KLHDC3: variants seen among roughly 807,000 people sequenced by gnomAD.
KLHDC3 encodes the protein kelch domain containing 3, also known as kelch domain-containing protein 3.
In KLHDC3, 5 loss-of-function variants were observed where a neutral mutation model predicts 44.1. The ratio of observed to expected loss-of-function variants is 0.11; its 90% confidence interval spans 0.06 to 0.24. KLHDC3 has a LOEUF of 0.24. Among genes scored for constraint, KLHDC3 ranks in the 10% least tolerant of loss-of-function variants. The pLI is 1.00. For missense variants in KLHDC3, 247 were observed against 514.3 expected (o/e 0.48, Z 5.03); for synonymous variants, 170 against 189.0 (o/e 0.90, Z 0.82).
Position 43,018,568 on chromosome 6 carries a change from T to C in KLHDC3, c.733+12T>C, listed in dbSNP as rs1487476282. 9 of 1,613,640 alleles carry C rather than the reference T, an allele frequency of 5.6e-6. No homozygotes were observed. The highest frequency in any genetic ancestry group is 7.6e-6 in the Non-Finnish European group (9 of 1,179,728). ...GAGCCACTCGGCCTGTGAGTGTTTG[T>C]TACTTCCCTGTGGAGTTCCCTTCCT... On this transcript the variant is annotated intron_variant, in intron 6 of 10. Transcript: ENST00000326974. This position sits in a 1 kb window ranked among gnomAD's most constrained non-coding sequence, Gnocchi z 6.0.
chr6:43,015,481 G>A (rs147372754), intron 1 of KLHDC3, among the ~76,000 whole-genome samples: 1 of 152,272 alleles, frequency 6.6e-6, no homozygotes, highest in East Asian at 1.9e-4. Context: ...AGCATTGTCA[G>A]TTGCAAGGAT....
In KLHDC3 at chr6:43,018,496, G is replaced by A; in HGVS notation, c.673G>A (p.Ala225Thr). Residue 225 changes from alanine to threonine, a missense_variant, in exon 6 of 11, where the codon GCT (alanine) becomes ACT (threonine). Ala to Thr is a moderately conservative substitution (Grantham distance 58, BLOSUM62 0). Transcript: ENST00000326974. This position sits in a 1 kb window ranked among gnomAD's most constrained non-coding sequence, Gnocchi z 6.0. ...TCGAGTCTTTGACACCAGAACTGAGGCTTGGCTGGACTGTCCCCCGACTCC... is the reference window on the plus strand; with the variant it reads ...TCGAGTCTTTGACACCAGAACTGAGACTTGGCTGGACTGTCCCCCGACTCC... ...RIRVFDTRTE[A>T]WLDCPPTPVL... 6.2e-6 allele frequency: 10 copies of A among 1,614,142 alleles called. No homozygotes were observed. Among genetic ancestry groups the A allele is most frequent in the Non-Finnish European group, 8.5e-6 (10 of 1,180,038 alleles).
In KLHDC3 at chr6:43,017,369, C is replaced by A; in HGVS notation, c.154+23C>A. On this transcript the variant is annotated intron_variant, in intron 2 of 10. Coordinates refer to ENST00000326974, the MANE Select transcript of KLHDC3 (RefSeq NM_057161.4). This position sits in a 1 kb window ranked among gnomAD's most constrained non-coding sequence, Gnocchi z 6.0. ...CAGGTAAGCCAATGCTGGGGCTGTC[C>A]CTGGGTCCCCACATCAGGGTGGGAA... 6.2e-7 allele frequency: 1 copy of A among 1,601,708 alleles called. No individual in the cohort carries two copies. The highest frequency in any genetic ancestry group is 8.5e-7 in the Non-Finnish European group (1 of 1,171,720).
In KLHDC3 at chr6:43,020,733, G is replaced by A; in HGVS notation, c.1149G>A (p.Ter383=). Residue 383 remains the stop codon, a stop_retained_variant, in exon 11 of 11, where the codon TAG becomes TAA. Transcript: ENST00000326974. The part of the protein sequence containing the change: ...ISRPIVSSHG[*] ...GCCCCATCGTCTCCTCCCATGGGTA[G>A]GAGGAAGTTTCTGCCACCTCCCCTC... The A allele has an allele frequency of 5.0e-6, 8 of 1,613,498 alleles. No individual in the cohort carries two copies. Among genetic ancestry groups the A allele is most frequent in the Non-Finnish European group, 6.8e-6 (8 of 1,179,470 alleles).
chr6:43,018,023 G>A lies in KLHDC3; in HGVS notation c.447+55G>A. 1 of 1,494,832 alleles carries A rather than the reference G, an allele frequency of 6.7e-7. No individual in the cohort carries two copies. The highest frequency in any genetic ancestry group is 1.1e-5 in the South Asian group (1 of 88,724). 92.6% of individuals were successfully genotyped at this position (1,494,832 alleles called of 1,614,324 possible). On this transcript the variant is annotated intron_variant, in intron 4 of 10. Coordinates refer to ENST00000326974, the MANE Select transcript of KLHDC3 (RefSeq NM_057161.4). The surrounding 1 kb of genome is among the most constrained non-coding windows in gnomAD (Gnocchi z 6.0). ...GGGTGGGACTGAGAAAGAGGGGAAG[G>A]GCAATTTAGGATGGTGAAATGGGAG...
At position 43,020,829 on chromosome 6, in the gene KLHDC3, G is replaced by T; in HGVS notation, c.*96G>T. 1 of 942,226 alleles carries T rather than the reference G, an allele frequency of 1.1e-6. No homozygotes were observed. Among genetic ancestry groups the T allele is most frequent in the South Asian group, 1.3e-5 (1 of 76,124 alleles). The allele number at this position is 942,226 out of a possible 1,614,324, so 58.4% of individuals were successfully genotyped here. ...CCTGCTCCTTTGACCCCTGGACTTG[G>T]TATACCTCCATGTGGAGTTGTTGGG... On this transcript the variant is annotated 3_prime_UTR_variant, in exon 11 of 11. Coordinates refer to ENST00000326974, the MANE Select transcript of KLHDC3 (RefSeq NM_057161.4).
In KLHDC3 at chr6:43,017,568, G is replaced by T; in HGVS notation, c.204G>T (p.Gly68=). ...KLPPVKSAIR[G]QAPVVPYMRY... ...CCCCGGTGAAGTCTGCCATCCGTGG[G>T]CAAGCTCCTGTGGTACCCTACATGC... is the stretch of plus-strand genomic sequence containing the variant. The change falls in exon 3 of 11, where the codon GGG becomes GGT. Residue 68 remains glycine (G), a synonymous_variant. Coordinates refer to ENST00000326974, the MANE Select transcript of KLHDC3 (RefSeq NM_057161.4). The surrounding 1 kb of genome is among the most constrained non-coding windows in gnomAD (Gnocchi z 6.0). 6 of 1,612,224 alleles carry T rather than the reference G, an allele frequency of 3.7e-6. No homozygotes were observed. The highest frequency in any genetic ancestry group is 5.1e-6 in the Non-Finnish European group (6 of 1,178,834).
Position 43,018,617 on chromosome 6 carries a change from T to G in KLHDC3, c.734-16T>G, listed in dbSNP as rs745898807. 1 of 1,613,240 alleles carries G rather than the reference T, an allele frequency of 6.2e-7. No individual in the cohort carries two copies. ...CTGCCCTCTTCACACTCCTGACACT[T>G]CCTCTCTCCTTCCAGTTGGCTACAA... is the stretch of plus-strand genomic sequence containing the variant. On this transcript the variant is annotated splice_polypyrimidine_tract_variant and intron_variant, in intron 6 of 10. Coordinates refer to ENST00000326974, the MANE Select transcript of KLHDC3 (RefSeq NM_057161.4). This position sits in a 1 kb window ranked among gnomAD's most constrained non-coding sequence, Gnocchi z 6.0.
chr6:43,019,046 G>C, intron 8 of KLHDC3, 46 bp from the exon 9 acceptor site: 1 of 1,577,304 alleles, frequency 6.3e-7, no homozygotes, highest in Non-Finnish European at 8.7e-7. Flanking sequence ...AGGGGGTTTC[G>C]TGGGTAGTTT....
At chr6:43,015,772 C>T (rs959602553) in intron 1 of KLHDC3, among the ~76,000 whole-genome samples, 5 of 150,594 alleles carry the variant, frequency 3.3e-5, no homozygotes, top group Non-Finnish European at 7.4e-5. Flanking sequence ...ATCGCTTGAA[C>T]CCGGGAGGGA....
rs1561858700 is a variant in KLHDC3 at position 43,017,157 on chromosome 6, C to CA, written c.-36_-35insA. 6.3e-7 allele frequency: 1 copy of CA among 1,596,968 alleles called. No homozygotes were observed. The highest frequency in any genetic ancestry group is 1.1e-5 in the South Asian group (1 of 89,678). On this transcript the variant is annotated 5_prime_UTR_variant, in exon 2 of 11. Transcript: ENST00000326974. This position sits in a 1 kb window ranked among gnomAD's most constrained non-coding sequence, Gnocchi z 6.0. ...AGATAGCAGAGGCAGCAGGCCGTGC[C>CA]GGGGGGGCATGTTGCTGTAACCAGT... is the stretch of plus-strand genomic sequence containing the variant.
chr6:43,019,038 G>T, intron 8 of KLHDC3, 54 bp from the exon 9 acceptor site: 1 of 1,567,224 alleles, frequency 6.4e-7, no homozygotes, highest in Non-Finnish European at 8.8e-7. Context: ...ATTTGAAAAG[G>T]GGGTTTCGTG....
chr6:43,014,340 GC>G lies in KLHDC3; in HGVS notation c.-66del. The G allele has an allele frequency of 1.6e-6, 1 of 616,412 alleles. No individual in the cohort carries two copies. The highest frequency in any genetic ancestry group is 1.8e-5 in the South Asian group (1 of 54,602). The allele number at this position is 616,412 out of a possible 1,614,324, so 38.2% of individuals were successfully genotyped here. A position where few individuals can be genotyped will look rare whatever the true frequency, so the allele number is the denominator to read the frequency against. On this transcript the variant is annotated 5_prime_UTR_variant, in exon 1 of 11. Transcript: ENST00000326974. ...GGACCCGCGGCCCCGCCCCGGCTCG[GC>G]CTGGCAGGTAGCCTGGGATGGGTAG... is the stretch of plus-strand genomic sequence containing the variant.
At chr6:43,016,931 A>G (rs1762592274) in intron 1 of KLHDC3, 1 of 510,282 alleles carries the variant, frequency 2.0e-6, no homozygotes, top group Non-Finnish European at 3.5e-6. Context: ...GTTGGAGAAC[A>G]CTGGGCCCAG....
In KLHDC3 at chr6:43,021,111, C is replaced by T. The variant is rs1211307183; in HGVS notation, c.*378C>T. ...CCTCCCCCTTTGCCTATCCCCTCCC[C>T]TCTGCTTGAGCCTTGAGCCTTGACT... On this transcript the variant is annotated 3_prime_UTR_variant, in exon 11 of 11. Transcript: ENST00000326974. The T allele has an allele frequency of 4.2e-6, 2 of 475,422 alleles. No homozygotes were observed. The highest frequency in any genetic ancestry group is 4.2e-6 in the Non-Finnish European group (1 of 239,912). 29.5% of individuals were successfully genotyped at this position (475,422 alleles called of 1,614,324 possible). A position where few individuals can be genotyped will look rare whatever the true frequency, so the allele number is the denominator to read the frequency against.
In KLHDC3 at chr6:43,017,557, G is replaced by A. The variant is rs142265148; in HGVS notation, c.193G>A (p.Ala65Thr). ...RWTKLPPVKS[A>T]IRGQAPVVPY... is the part of the protein sequence containing the mutation. ...GACAAAGCTGCCCCCGGTGAAGTCT[G>A]CCATCCGTGGGCAAGCTCCTGTGGT... Residue 65 changes from alanine to threonine, a missense_variant, in exon 3 of 11, where the codon GCC becomes ACC. By Grantham distance (58) the Ala-to-Thr change is moderately conservative. This residue lies in a region of KLHDC3 where 71 missense variants were observed against 100.8 expected (regional missense o/e 0.70). Transcript: ENST00000326974. This position sits in a 1 kb window ranked among gnomAD's most constrained non-coding sequence, Gnocchi z 6.0. 5.5e-5 allele frequency: 89 copies of A among 1,610,738 alleles called. No homozygotes were observed. In the Middle Eastern group the frequency reaches 6.6e-4, roughly 12 times the overall value.
In KLHDC3 at chr6:43,020,937, C is replaced by A; in HGVS notation, c.*204C>A. 1 of 663,252 alleles carries A rather than the reference C, an allele frequency of 1.5e-6. No individual in the cohort carries two copies. The highest frequency in any genetic ancestry group is 2.8e-6 in the Non-Finnish European group (1 of 362,112). The allele number at this position is 663,252 out of a possible 1,614,324, so 41.1% of individuals were successfully genotyped here. ...GGTTCCTCCCCCCTTGGGCCGAGGG[C>A]CCCTTCCCCTTGGTGCTCTGTCCCC... is the stretch of plus-strand genomic sequence containing the variant. On this transcript the variant is annotated 3_prime_UTR_variant, in exon 11 of 11. Coordinates refer to ENST00000326974, the MANE Select transcript of KLHDC3 (RefSeq NM_057161.4).
At position 43,017,082 on chromosome 6, in the gene KLHDC3, G is replaced by A; in HGVS notation, c.-59-52G>A. On this transcript the variant is annotated intron_variant, in intron 1 of 10. Transcript: ENST00000326974. The surrounding 1 kb of genome is among the most constrained non-coding windows in gnomAD (Gnocchi z 6.0). ...GGCTGGTTCTGGGCAGAGTCACAGT[G>A]AGCTGGGCAGAAGCCTCGCCTGAGG... is the stretch of plus-strand genomic sequence containing the variant. 2 of 1,305,252 alleles carry A rather than the reference G, an allele frequency of 1.5e-6. No homozygotes were observed. 80.9% of individuals were successfully genotyped at this position (1,305,252 alleles called of 1,614,324 possible).
In KLHDC3 at chr6:43,017,473, C is replaced by T. The variant is rs180880831; in HGVS notation, c.155-46C>T. On this transcript the variant is annotated intron_variant, in intron 2 of 10. Transcript: ENST00000326974. The surrounding 1 kb of genome is among the most constrained non-coding windows in gnomAD (Gnocchi z 6.0). ...AAACATCTGGTTTGGGAAAAGTGGA[C>T]AGCCTGGAGGGAGGTTCCCAGGGCT... The T allele has an allele frequency of 5.1e-6, 8 of 1,562,538 alleles. No individual in the cohort carries two copies. The South Asian group carries it at 9.6e-5, about 19-fold the overall frequency.
Sources: allele counts gnomAD v4.1 joint callset (sites outside exome capture counted in the v4.1 genomes callset), GRCh38; gene constraint gnomAD v4.1.1; regional missense constraint gnomAD v4.1.1; non-coding constraint Gnocchi (gnomAD v3.1); transcripts MANE v1.5; gene names NCBI Gene and HGNC (gene_info 2026-07-23, HGNC 2026-07-21).